RNF43: variants seen among roughly 807,000 people sequenced by gnomAD.
RNF43 encodes ring finger protein 43.
In RNF43, 37 loss-of-function variants were observed where a neutral mutation model predicts 78.4. The ratio of observed to expected loss-of-function variants is 0.47; its 90% CI spans 0.36 to 0.62. The LOEUF (loss-of-function observed/expected upper bound fraction) is 0.62. Ranked by LOEUF, RNF43 falls within the 20% of genes least tolerant of loss-of-function variation. The probability of loss-of-function intolerance (pLI) is 0.00; values close to 1 mark genes in which losing one functional copy is unlikely to be tolerated. For missense variants in RNF43, 774 were observed against 1,007.9 expected, an observed-to-expected ratio of 0.77 and a Z score of 3.14; for synonymous variants, 347 against 395.0, an observed-to-expected ratio of 0.88 and a Z score of 1.44.
chr17:58,372,018 T>G (rs947524380), intron 2 of RNF43, among the ~76,000 whole-genome samples: 2 of 152,226 alleles, frequency 1.3e-5, no homozygotes, highest in African/African-American at 4.8e-5. Flanking sequence ...GTCCAGGGAC[T>G]CCTATATAGT....
At chr17:58,366,872 C>T (rs958621482) in intron 3 of RNF43, among the ~76,000 whole-genome samples, 10 of 152,304 alleles carry the variant, frequency 6.6e-5, no homozygotes, top group African/African-American at 1.9e-4. Context: ...GTTGCCCAGG[C>T]TGGAGTGCAG....
At chr17:58,396,071 A>G (rs1973673365) in intron 2 of RNF43, among the ~76,000 whole-genome samples, 1 of 152,214 alleles carries the variant, frequency 6.6e-6, no homozygotes, top group African/African-American at 2.4e-5. Context: ...CAACAAAATG[A>G]TGGTTATTTT....
Position 58,358,605 on chromosome 17 carries a change from G to T in RNF43, c.1171C>A (p.Pro391Thr), listed in dbSNP as rs758746256. Residue 391 changes from proline (P) to threonine (T), a missense_variant, in exon 9 of 10, where the codon CCC becomes ACC. By Grantham distance (38) the Pro-to-Thr change is conservative (BLOSUM62 -1). Transcript: ENST00000407977. This position sits in a 1 kb window ranked among gnomAD's most constrained non-coding sequence, Gnocchi z 6.2. ...GGAGCCCGGGGATGTGCAGCTCTGG[G>T]GAAGCGGTGATGCCGAGGGCCCATG... The part of the protein sequence containing the change: ...PGMGPRHHRF[P>T]RAAHPRAPGE... The T allele has an allele frequency of 1.3e-6, 2 of 1,575,312 alleles. No individual in the cohort carries two copies. The highest frequency in any genetic ancestry group is 1.7e-6 in the Non-Finnish European group (2 of 1,159,326).
chr17:58,413,072 C>T (rs1319488327), intron 2 of RNF43, among the ~76,000 whole-genome samples: 3 of 152,124 alleles, frequency 2.0e-5, no homozygotes, highest in Admixed American at 2.0e-4. Context: ...CAGCAAAGCA[C>T]ATCTCTAGAA....
At chr17:58,380,122 A>T (rs1973282246) in intron 2 of RNF43, among the ~76,000 whole-genome samples, 1 of 152,212 alleles carries the variant, frequency 6.6e-6, no homozygotes, top group Non-Finnish European at 1.5e-5. Context: ...CTCAGGGCTC[A>T]ACCATCCAAA....
At position 58,370,905 on chromosome 17, in the gene RNF43, G is replaced by A. The variant is rs2143513495; in HGVS notation, c.375+6C>T. 1 of 1,591,388 alleles carries A rather than the reference G, an allele frequency of 6.3e-7. No individual in the cohort carries two copies. The highest frequency in any genetic ancestry group is 8.6e-7 in the Non-Finnish European group (1 of 1,167,848). On this transcript the variant is annotated splice_donor_region_variant and intron_variant, in intron 3 of 9. Coordinates refer to ENST00000407977, the MANE Select transcript of RNF43 (RefSeq NM_017763.6). ...CGGGTGTGTGTAGGGCGAAGTGTGA[G>A]TCTACCTTGCTAGCCAGTGACAGGC... is the stretch of plus-strand genomic sequence containing the variant.
At chr17:58,356,465 A>G (rs987543017) in intron 9 of RNF43, among the ~76,000 whole-genome samples, 1 of 152,200 alleles carries the variant, frequency 6.6e-6, no homozygotes, top group Non-Finnish European at 1.5e-5. Context: ...ATATGTGGGC[A>G]AGTAAACACC....
chr17:58,360,259 A>G lies in RNF43; in HGVS notation c.850-8T>C, dbSNP rs367614186. The G allele has an allele frequency of 1.2e-6, 2 of 1,609,916 alleles. No individual in the cohort carries two copies. The highest frequency in any genetic ancestry group is 1.7e-6 in the Non-Finnish European group (2 of 1,176,158). ...GGAAATGACCCGTAGCTCCTGGAGAAAAAGAGGGGGTCCAAACCAAAGGCT... is the reference window on the plus strand; with the variant it reads ...GGAAATGACCCGTAGCTCCTGGAGAGAAAGAGGGGGTCCAAACCAAAGGCT... On this transcript the variant is annotated splice_region_variant and splice_polypyrimidine_tract_variant and intron_variant, in intron 7 of 9. Transcript: ENST00000407977. The surrounding 1 kb of genome is among the most constrained non-coding windows in gnomAD (Gnocchi z 4.3).
In RNF43 at chr17:58,357,703, A is replaced by G. The variant is rs1355040093; in HGVS notation, c.2073T>C (p.Pro691=). 6.2e-7 allele frequency: 1 copy of G among 1,611,508 alleles called. No homozygotes were observed. Among genetic ancestry groups the G allele is most frequent in the Admixed American group, 1.7e-5 (1 of 59,812 alleles). ...FPHYTPSVAY[P]WSPEAHPLIC... is the part of the protein sequence containing the mutation. The stretch of plus-strand genomic sequence containing the variant: ...TCAAGGGGTGTGCCTCTGGGGACCA[A>G]GGATATGCCACACTGGGGGTGTAAT... The change falls in exon 9 of 10, where the codon CCT becomes CCC. Residue 691 remains proline (P), a synonymous_variant. Coordinates refer to ENST00000407977, the MANE Select transcript of RNF43 (RefSeq NM_017763.6). This position sits in a 1 kb window ranked among gnomAD's most constrained non-coding sequence, Gnocchi z 4.5.
At chr17:58,372,796 T>C (rs1185512131) in intron 2 of RNF43, among the ~76,000 whole-genome samples, 2 of 152,164 alleles carry the variant, frequency 1.3e-5, no homozygotes, top group African/African-American at 2.4e-5. Context: ...TAACTAGGTA[T>C]GTGTTCACCT....
At chr17:58,379,877 A>C (rs2143556185) in intron 2 of RNF43, among the ~76,000 whole-genome samples, 1 of 152,368 alleles carries the variant, frequency 6.6e-6, no homozygotes, top group Non-Finnish European at 1.5e-5. Context: ...ACATGGAAAC[A>C]GGGTTTGACC....
At position 58,380,682 on chromosome 17, in the gene RNF43, T is replaced by C. The variant is rs188826727; in HGVS notation, c.253-9649A>G. ...AAACTTAAGGAAACCAGATCATTTA[T>C]TTAAATACGCCAGAGGCCCATCTGG... On this transcript the variant is annotated intron_variant, in intron 2 of 9. Coordinates refer to ENST00000407977, the MANE Select transcript of RNF43 (RefSeq NM_017763.6). 3.3e-3 allele frequency among the ~76,000 whole-genome samples: 496 copies of C among 152,360 alleles called. 2 individuals carry two copies. The highest frequency in any genetic ancestry group is 0.011 in the African/African-American group (469 of 41,588).
At chr17:58,408,667 T>C (rs768383114) in intron 2 of RNF43, among the ~76,000 whole-genome samples, 1 of 151,958 alleles carries the variant, frequency 6.6e-6, no homozygotes, top group Non-Finnish European at 1.5e-5. Context: ...GTCAGAAGAG[T>C]AAAGGAACAT....
Position 58,357,410 on chromosome 17 carries a change from GA to G in RNF43, c.2308+57del. On this transcript the variant is annotated intron_variant, in intron 9 of 9. Coordinates refer to ENST00000407977, the MANE Select transcript of RNF43 (RefSeq NM_017763.6). This position sits in a 1 kb window ranked among gnomAD's most constrained non-coding sequence, Gnocchi z 4.5. ...TTTGTTGGCTGACTTCACCTGTCCTGAAATATTCAGCTGTAGTCTCCTCTCC... is the reference window on the plus strand; with the variant it reads ...TTTGTTGGCTGACTTCACCTGTCCTGAATATTCAGCTGTAGTCTCCTCTCC... 5 of 1,606,442 alleles carry G rather than the reference GA, an allele frequency of 3.1e-6. No homozygotes were observed. The South Asian group carries it at 4.4e-5, about 14-fold the overall frequency.
chr17:58,376,571 C>T (rs1973209376), intron 2 of RNF43, among the ~76,000 whole-genome samples: 1 of 152,252 alleles, frequency 6.6e-6, no homozygotes, highest in Non-Finnish European at 1.5e-5. Flanking sequence ...CATTGGCATT[C>T]CCTGGGTATA....
At chr17:58,392,068 GA>G (rs1973572101) in intron 2 of RNF43, among the ~76,000 whole-genome samples, 1 of 152,206 alleles carries the variant, frequency 6.6e-6, no homozygotes, top group Admixed American at 6.5e-5. Context: ...AGTGGATCTG[GA>G]AGAATGGACT....
Position 58,360,976 on chromosome 17 carries a change from A to G in RNF43, c.688-32T>C. The G allele has an allele frequency of 6.6e-7, 1 of 1,513,106 alleles. No homozygotes were observed. Among genetic ancestry groups the G allele is most frequent in the African/African-American group, 1.4e-5 (1 of 71,428 alleles). The allele number at this position is 1,513,106 out of a possible 1,614,324, so 93.7% of individuals were successfully genotyped here. On this transcript the variant is annotated intron_variant, in intron 6 of 9. Transcript: ENST00000407977. The surrounding 1 kb of genome is among the most constrained non-coding windows in gnomAD (Gnocchi z 4.3). Reference sequence around the variant, plus strand: ...AGAGGAATGGGGCTCAGATTGGGGCATGGGCTCCCCTTCCCTCCCTCTCTG... The same window carrying G: ...AGAGGAATGGGGCTCAGATTGGGGCGTGGGCTCCCCTTCCCTCCCTCTCTG...
intron 3 of RNF43, among the ~76,000 whole-genome samples, chr17:58,369,410 C>T (rs1973032142): frequency 6.6e-6 from 1 of 152,226 alleles, no homozygotes; most frequent in Non-Finnish European, 1.5e-5. Context: ...ACATCCCTGC[C>T]TGCCATGGGA....
chr17:58,389,079 A>C (rs1973493690), intron 2 of RNF43, among the ~76,000 whole-genome samples: 1 of 152,236 alleles, frequency 6.6e-6, no homozygotes, highest in African/African-American at 2.4e-5. Flanking sequence ...TAAGCAGAGC[A>C]ATTTAATAGC....
Sources: allele counts gnomAD v4.1 joint callset (sites outside exome capture counted in the v4.1 genomes callset), GRCh38; gene constraint gnomAD v4.1.1; non-coding constraint Gnocchi (gnomAD v3.1); transcripts MANE v1.5; gene names NCBI Gene and HGNC (gene_info 2026-07-23, HGNC 2026-07-21).